MKLN1: variants seen among roughly 807,000 people sequenced by gnomAD.
The protein encoded by MKLN1 is muskelin.
MKLN1 carries 18 observed loss-of-function variants against 99.0 expected under a neutral mutation model. The observed-to-expected ratio is 0.18, with a 90% CI of 0.13 to 0.27. MKLN1 has a LOEUF of 0.27. MKLN1 is among the 10% of genes least tolerant of loss of function. The pLI, the probability that MKLN1 is intolerant of heterozygous loss-of-function variation, is 1.00. For synonymous variants in MKLN1, 288 were observed against 293.2 expected (o/e 0.98, Z 0.18); for missense variants, 621 against 875.9 (o/e 0.71, Z 3.67).
chr7:131,452,914 A>G (rs373387951), intron 12 of MKLN1, among the ~76,000 whole-genome samples: 5 of 152,216 alleles, frequency 3.3e-5, no homozygotes, highest in African/African-American at 9.6e-5. Flanking sequence ...AAGACTTTGA[A>G]GCTGATGATT....
chr7:131,145,331 C>T (rs1202986491), intron 2 of MKLN1, among the ~76,000 whole-genome samples: 10 of 152,134 alleles, frequency 6.6e-5, no homozygotes, highest in Admixed American at 2.6e-4. Flanking sequence ...CAGCTACACA[C>T]GGCACGAAGA....
intron 2 of MKLN1, among the ~76,000 whole-genome samples, chr7:131,145,304 G>C (rs1380511220): frequency 6.6e-6 from 1 of 152,000 alleles, no homozygotes; most frequent in Non-Finnish European, 1.5e-5. Flanking sequence ...GGTACTGAGT[G>C]GGGGCGAGGT....
intron 12 of MKLN1, among the ~76,000 whole-genome samples, chr7:131,461,179 G>A (rs1156932311): frequency 6.6e-6 from 1 of 151,330 alleles, no homozygotes; most frequent in Non-Finnish European, 1.5e-5. Flanking sequence ...GTTGTTATAA[G>A]GAATAATGAC....
rs1797370352 is a variant in MKLN1 at position 131,489,469 on chromosome 7, A to G, written c.*1741A>G. On this transcript the variant is annotated 3_prime_UTR_variant, in exon 18 of 18. Coordinates refer to ENST00000352689, the MANE Select transcript of MKLN1 (RefSeq NM_013255.5). ...TTTGCTTACATACTTCAACAGTTTCATAAAACGATTCCCCTGAGTGACACA... is the reference window on the plus strand; with the variant it reads ...TTTGCTTACATACTTCAACAGTTTCGTAAAACGATTCCCCTGAGTGACACA... 6.6e-6 allele frequency: 1 copy of G among 152,188 alleles called. No individual in the cohort carries two copies. Among genetic ancestry groups the G allele is most frequent in the African/African-American group, 2.4e-5 (1 of 41,466 alleles). 9.4% of individuals were successfully genotyped at this position (152,188 alleles called of 1,614,324 possible). A position where few individuals can be genotyped will look rare whatever the true frequency, so the allele number is the denominator to read the frequency against.
At chr7:131,169,331 G>T (rs1230698547) in intron 2 of MKLN1, among the ~76,000 whole-genome samples, 3 of 152,182 alleles carry the variant, frequency 2.0e-5, no homozygotes, top group Non-Finnish European at 4.4e-5. Context: ...TCTGAAACTC[G>T]TAATCAATTG....
intron 1 of MKLN1, among the ~76,000 whole-genome samples, chr7:131,370,709 G>A (rs1160145543): frequency 1.3e-5 from 2 of 152,112 alleles, no homozygotes; most frequent in Admixed American, 1.3e-4. Flanking sequence ...CACCTTTAGG[G>A]CAGGTTACTT....
At chr7:131,328,186 C>T in intron 1 of MKLN1, 189 bp downstream of exon 1, 1 of 700,034 alleles carries the variant, frequency 1.4e-6, no homozygotes, top group South Asian at 2.0e-5. Context: ...GGGTTAGGGT[C>T]CGGAGAGCGA....
At chr7:131,259,245 G>A (rs938570572) in intron 3 of MKLN1, among the ~76,000 whole-genome samples, 3 of 152,024 alleles carry the variant, frequency 2.0e-5, no homozygotes, top group African/African-American at 7.2e-5. Context: ...AACTCATGTG[G>A]CCAGTTAAGA....
chr7:131,464,518 A>C, intron 14 of MKLN1, 110 bp downstream of exon 14: 1 of 585,876 alleles, frequency 1.7e-6, no homozygotes, highest in Non-Finnish European at 3.1e-6. Flanking sequence ...GTTAAAATAC[A>C]TAGTAGACAT....
chr7:131,438,034 A>C (rs748233514), intron 10 of MKLN1, 37 bp downstream of exon 10: 20 of 1,475,940 alleles, frequency 1.4e-5, no homozygotes, highest in Non-Finnish European at 1.8e-5. Context: ...GGAATTAATC[A>C]GTGCTTAGTG....
At position 131,283,422 on chromosome 7, in the gene MKLN1, T is replaced by G. The variant is rs536412933; in HGVS notation, c.-179+80448T>G. ...CTTCCTCTCTCTCTCTTTACTGCTT[T>G]CTTTCTTCTCTTTTTTTTTTTTTTT... On this transcript the variant is annotated intron_variant, in intron 3 of 7. Coordinates refer to the MKLN1 transcript ENST00000416992. 1.0e-4 allele frequency among the ~76,000 whole-genome samples: 15 copies of G among 145,478 alleles called. No individual in the cohort carries two copies. In the East Asian group the frequency reaches 2.6e-3, roughly 25 times the overall value.
At chr7:131,285,069 G>T (rs1177286614) in intron 3 of MKLN1, 1 of 152,268 alleles carries the variant, frequency 6.6e-6, no homozygotes, top group African/African-American at 2.4e-5. Context: ...AGCAGAAGCT[G>T]CAGGGTGAGG....
rs562851686 is a variant in MKLN1, at chr7:131,186,603, G to A, written c.-296-16254G>A. Among the ~76,000 whole-genome samples the A allele has an allele frequency of 2.6e-5, 4 of 152,224 alleles. No individual in the cohort carries two copies. In the Middle Eastern group the frequency reaches 0.01, roughly 388 times the overall value. On this transcript the variant is annotated intron_variant, in intron 2 of 7. Transcript: ENST00000416992. ...CAGTAGGTTCCCTCAGTGGGCTTACGGTCTGTTTTATTACTTTACTGTCAC... is the reference window on the plus strand; with the variant it reads ...CAGTAGGTTCCCTCAGTGGGCTTACAGTCTGTTTTATTACTTTACTGTCAC...
intron 1 of MKLN1, among the ~76,000 whole-genome samples, chr7:131,139,873 A>G (rs1176307166): frequency 2.0e-5 from 3 of 152,172 alleles, no homozygotes; most frequent in Non-Finnish European, 4.4e-5. Context: ...TTTTTGGGCT[A>G]CTGTTCAACA....
chr7:131,448,205 G>T (rs1796073476), intron 12 of MKLN1, among the ~76,000 whole-genome samples: 1 of 152,146 alleles, frequency 6.6e-6, no homozygotes, highest in Non-Finnish European at 1.5e-5. Flanking sequence ...TCCACCCTGG[G>T]CGACAGAGCG....
At chr7:131,401,925 G>A (rs1416698779) in intron 6 of MKLN1, among the ~76,000 whole-genome samples, 1 of 152,148 alleles carries the variant, frequency 6.6e-6, no homozygotes, top group Non-Finnish European at 1.5e-5. Flanking sequence ...GAAGGGTCTT[G>A]CCTCAGTATT....
intron 1 of MKLN1, among the ~76,000 whole-genome samples, chr7:131,120,263 C>G (rs905649681): frequency 4.6e-5 from 7 of 151,188 alleles, no homozygotes; most frequent in African/African-American, 1.7e-4. Context: ...CAATGGCTCA[C>G]ACCTGTAATC....
chr7:131,353,206 C>T (rs930642026), intron 1 of MKLN1, among the ~76,000 whole-genome samples: 5 of 152,054 alleles, frequency 3.3e-5, no homozygotes, highest in Admixed American at 6.5e-5. Flanking sequence ...AAATGGGTTA[C>T]CATTTTACAT....
chr7:131,256,992 C>A (rs959390244), intron 3 of MKLN1, among the ~76,000 whole-genome samples: 1 of 152,086 alleles, frequency 6.6e-6, no homozygotes, highest in Non-Finnish European at 1.5e-5. Context: ...GTTAGTATAA[C>A]CTTTATATAA....
Sources: allele counts gnomAD v4.1 joint callset (sites outside exome capture counted in the v4.1 genomes callset), GRCh38; gene constraint gnomAD v4.1.1; transcripts MANE v1.5; gene names NCBI Gene and HGNC (gene_info 2026-07-23, HGNC 2026-07-21).